ANO5: variants seen among roughly 807,000 people sequenced by gnomAD.
ANO5 encodes the protein anoctamin 5, also known as anoctamin-5.
A neutral mutation model predicts 121.0 loss-of-function variants in ANO5; 109 were observed. That is an observed-to-expected ratio of 0.90 (90% CI 0.77 to 1.06). ANO5 has a LOEUF of 1.06. Among genes scored for constraint, ANO5 ranks in the 50% least tolerant of loss-of-function variants. The pLI, the probability that ANO5 is intolerant of heterozygous loss-of-function variation, is 0.00. For missense variants in ANO5, 1,064 were observed against 1,078.5 expected, an observed-to-expected ratio of 0.99 and a Z score of 0.19; for synonymous variants, 406 against 359.9, an observed-to-expected ratio of 1.13 and a Z score of -1.45.
At chr11:22,277,449 A>G (rs1590337115) in intron 21 of ANO5, among the ~76,000 whole-genome samples, 1 of 151,750 alleles carries the variant, frequency 6.6e-6, no homozygotes, top group South Asian at 2.1e-4. Flanking sequence ...ACTAAATTAC[A>G]TATGTTTAAT....
At chr11:22,198,000 GAGTATGAA>G (rs1851861061) in intron 1 of ANO5, among the ~76,000 whole-genome samples, 1 of 152,186 alleles carries the variant, frequency 6.6e-6, no homozygotes, top group South Asian at 2.1e-4. Flanking sequence ...CTCCATGAGG[GAGTATGAA>G]AGTGTCTGAG....
rs1304013166 is a variant in ANO5, at chr11:22,245,548, T to C, written c.879-4689T>C. Among the ~76,000 whole-genome samples the C allele has an allele frequency of 2.6e-5, 4 of 152,188 alleles. No homozygotes were observed. In the East Asian group the frequency reaches 7.7e-4, roughly 29 times the overall value. ...TATTTGAGAAGAGTTCACTCTGTTT[T>C]TAGGTTTTTATTACAGTATTATTCA... On this transcript the variant is annotated intron_variant, in intron 9 of 21. Transcript: ENST00000324559.
chr11:22,209,081 A>T (rs142221547), intron 2 of ANO5, among the ~76,000 whole-genome samples: 14 of 152,100 alleles, frequency 9.2e-5, no homozygotes, highest in Admixed American at 1.3e-4. Context: ...CTTTTACAAG[A>T]CAGAAGTATA....
At chr11:22,201,083 T>C (rs1284536647) in intron 1 of ANO5, among the ~76,000 whole-genome samples, 1 of 152,210 alleles carries the variant, frequency 6.6e-6, no homozygotes, top group African/African-American at 2.4e-5. Context: ...ACTTATAATA[T>C]GTAATACAAA....
intron 1 of ANO5, among the ~76,000 whole-genome samples, chr11:22,197,903 G>T (rs902696413): frequency 8.5e-5 from 13 of 152,186 alleles, no homozygotes; most frequent in African/African-American, 3.1e-4. Flanking sequence ...AGCTGACAGA[G>T]TTGTTGGCTT....
intron 17 of ANO5, among the ~76,000 whole-genome samples, chr11:22,266,283 T>C (rs59742798): frequency 0.13 from 20,254 of 152,036 alleles, 3,889 homozygotes; most frequent in African/African-American, 0.42. Context: ...CTCTTTTCCA[T>C]TGTGACTCCA....
chr11:22,218,405 C>T (rs1341243235), intron 4 of ANO5, 118 bp downstream of exon 4: 23 of 1,313,606 alleles, frequency 1.8e-5, no homozygotes, highest in Non-Finnish European at 2.3e-5. Flanking sequence ...ATTCCTAGTC[C>T]CCAGGCAACT....
At chr11:22,210,997 A>G (rs1017026533) in intron 2 of ANO5, among the ~76,000 whole-genome samples, 27 of 151,956 alleles carry the variant, frequency 1.8e-4, no homozygotes, top group Non-Finnish European at 3.2e-4. Context: ...CCAAATACTA[A>G]TTCTCTCTGA....
intron 1 of ANO5, among the ~76,000 whole-genome samples, chr11:22,196,197 T>C (rs921017910): frequency 1.3e-5 from 2 of 152,176 alleles, no homozygotes; most frequent in African/African-American, 2.4e-5. Flanking sequence ...AGCATGGTAT[T>C]GGCATCTGAC....
intron 5 of ANO5, among the ~76,000 whole-genome samples, chr11:22,225,753 G>T (rs1420026012): frequency 6.6e-6 from 1 of 151,936 alleles, no homozygotes; most frequent in African/African-American, 2.4e-5. Context: ...TCAGATAGAG[G>T]CTCTGCATAT....
At chr11:22,265,828 A>C (rs1854340407) in intron 17 of ANO5, among the ~76,000 whole-genome samples, 1 of 152,128 alleles carries the variant, frequency 6.6e-6, no homozygotes, top group Non-Finnish European at 1.5e-5. Context: ...ACCCTACTCA[A>C]TTTTAAGGCT....
At chr11:22,226,195 G>T in intron 6 of ANO5, 143 bp downstream of exon 6, 1 of 683,044 alleles carries the variant, frequency 1.5e-6, no homozygotes, top group Non-Finnish European at 2.6e-6. Flanking sequence ...GGATGATAGG[G>T]CCTGTGGTCT....
At chr11:22,219,539 G>A (rs1852570821) in intron 4 of ANO5, among the ~76,000 whole-genome samples, 1 of 117,150 alleles carries the variant, frequency 8.5e-6, no homozygotes, top group Non-Finnish European at 2.0e-5. Context: ...CACAGACTTA[G>A]AGAAAGAGGA....
At chr11:22,246,675 T>C (rs916070809) in intron 9 of ANO5, among the ~76,000 whole-genome samples, 1 of 151,418 alleles carries the variant, frequency 6.6e-6, no homozygotes, top group Admixed American at 6.6e-5. Flanking sequence ...CGTTTCTACC[T>C]AAAAAATAAT....
rs1855055982 is a variant in ANO5 at position 22,281,013 on chromosome 11, AT to A, written c.*1251del. ...ATGTTTGTTGAATTATTCCTCTCAA[AT>A]TTAGGCTTGTGTTACATGCACAAAA... On this transcript the variant is annotated 3_prime_UTR_variant, in exon 22 of 22. Transcript: ENST00000324559. 1 of 152,002 alleles carries A rather than the reference AT, an allele frequency of 6.6e-6. No homozygotes were observed. The highest frequency in any genetic ancestry group is 2.1e-4 in the South Asian group (1 of 4,832). The allele number at this position is 152,002 out of a possible 1,614,324, so 9.4% of individuals were successfully genotyped here.
intron 1 of ANO5, among the ~76,000 whole-genome samples, chr11:22,200,928 G>A (rs950306550): frequency 2.6e-5 from 4 of 152,056 alleles, no homozygotes; most frequent in Admixed American, 2.0e-4. Context: ...GAGTACTGTT[G>A]TCTCTCAGTA....
chr11:22,263,899 G>A (rs185125346), intron 17 of ANO5, among the ~76,000 whole-genome samples: 31 of 152,168 alleles, frequency 2.0e-4, no homozygotes, highest in Non-Finnish European at 3.8e-4. Flanking sequence ...GTGCCACTTA[G>A]GGCTCTATTT....
At chr11:22,222,847 T>G (rs1852699118) in intron 5 of ANO5, among the ~76,000 whole-genome samples, 2 of 151,954 alleles carry the variant, frequency 1.3e-5, no homozygotes, top group South Asian at 4.1e-4. Context: ...CAATCATACT[T>G]TCCTTCCATA....
chr11:22,257,480 G>A (rs1408730034), intron 13 of ANO5, among the ~76,000 whole-genome samples, 200 bp from the exon 14 acceptor site: 1 of 152,024 alleles, frequency 6.6e-6, no homozygotes, highest in Non-Finnish European at 1.5e-5. Flanking sequence ...CATATCATGT[G>A]TAAGATAACC....
Sources: allele counts gnomAD v4.1 joint callset (sites outside exome capture counted in the v4.1 genomes callset), GRCh38; gene constraint gnomAD v4.1.1; transcripts MANE v1.5; gene names NCBI Gene and HGNC (gene_info 2026-07-23, HGNC 2026-07-21).